PTPRO: variants seen among roughly 807,000 people sequenced by gnomAD.
The protein encoded by PTPRO is receptor-type tyrosine-protein phosphatase O.
In PTPRO, 62 loss-of-function variants were observed where a neutral mutation model predicts 145.2. The observed-to-expected ratio is 0.43, with a 90% CI of 0.35 to 0.53. The LOEUF (loss-of-function observed/expected upper bound fraction) is 0.53, where lower values mean the gene tolerates loss of function less well. Among genes scored for constraint, PTPRO ranks in the 20% least tolerant of loss-of-function variants. PTPRO has a pLI of 0.01. For missense variants in PTPRO, 1,345 were observed against 1,482.7 expected, an observed-to-expected ratio of 0.91 and a Z score of 1.53; for synonymous variants, 565 against 514.7, an observed-to-expected ratio of 1.10 and a Z score of -1.32.
intron 7 of PTPRO, among the ~76,000 whole-genome samples, chr12:15,514,692 A>T (rs866802223): frequency 6.6e-6 from 1 of 152,062 alleles, no homozygotes; most frequent in Non-Finnish European, 1.5e-5. Flanking sequence ...TACTTTATTT[A>T]TTAAATGAGC....
At chr12:15,394,635 T>C (rs79822760) in intron 1 of PTPRO, among the ~76,000 whole-genome samples, 3,280 of 152,256 alleles carry the variant, frequency 0.022, 123 homozygotes, top group African/African-American at 0.074. Flanking sequence ...TGAAATTCCT[T>C]TTGCCATGCA....
chr12:15,597,737 G>A lies in PTPRO; in HGVS notation c.*1664G>A, dbSNP rs554762143. 1.4e-3 allele frequency among the ~76,000 whole-genome samples: 213 copies of A among 152,256 alleles called. 1 individual carries two copies. The highest frequency in any genetic ancestry group is 4.8e-3 in the African/African-American group (201 of 41,548). Reference sequence around the variant, plus strand: ...GGTTAACAGCTTGGGCTCCTCAGGGGTTGTCAGTTCCTACTCACCTCCCTG... The same window carrying A: ...GGTTAACAGCTTGGGCTCCTCAGGGATTGTCAGTTCCTACTCACCTCCCTG... On this transcript the variant is annotated 3_prime_UTR_variant, in exon 27 of 27. Transcript: ENST00000281171.
In PTPRO at chr12:15,358,631, A is replaced by T. The variant is rs556361272; in HGVS notation, c.75+35830A>T. Reference sequence around the variant, plus strand: ...TTTACAGATGAAGAAATTCTGTGTTACATGAAGTGTCCAAGATCTCACAGT... The same window carrying T: ...TTTACAGATGAAGAAATTCTGTGTTTCATGAAGTGTCCAAGATCTCACAGT... On this transcript the variant is annotated intron_variant, in intron 1 of 26. Coordinates refer to ENST00000281171, the MANE Select transcript of PTPRO (RefSeq NM_030667.3). 2.6e-5 allele frequency among the ~76,000 whole-genome samples: 4 copies of T among 152,320 alleles called. 1 individual carries two copies. The South Asian group carries it at 6.2e-4, about 24-fold the overall frequency.
At chr12:15,452,997 C>A (rs1387137092) in intron 1 of PTPRO, among the ~76,000 whole-genome samples, 1 of 152,166 alleles carries the variant, frequency 6.6e-6, no homozygotes, top group African/African-American at 2.4e-5. Flanking sequence ...GTGAAGATTA[C>A]CCATAAAATT....
chr12:15,546,683 G>C lies in PTPRO; in HGVS notation c.2279G>C (p.Gly760Ala). ...DFFEVFCQQV[G>A]SSQKTKLQEP... ...TTTGAAGTTTTCTGTCAACAAGTTG[G>C]CTCCAGTCAGAAAACCAAACTTCAG... The change falls in exon 13 of 27, where the codon GGC (glycine) becomes GCC (alanine). Residue 760 changes from glycine (G) to alanine (A), a missense_variant. By Grantham distance (60) the Gly-to-Ala change is moderately conservative. This residue lies in a region of PTPRO where 1,130 missense variants were observed against 1,214.7 expected (regional missense o/e 0.93). Coordinates refer to ENST00000281171, the MANE Select transcript of PTPRO (RefSeq NM_030667.3). 1 of 1,613,944 alleles carries C rather than the reference G, an allele frequency of 6.2e-7. No individual in the cohort carries two copies.
intron 1 of PTPRO, among the ~76,000 whole-genome samples, chr12:15,325,916 T>C (rs1866432603): frequency 6.6e-6 from 1 of 152,194 alleles, no homozygotes; most frequent in Admixed American, 6.5e-5. Flanking sequence ...ACCCCTTCTC[T>C]CTATTTCTTT....
intron 1 of PTPRO, among the ~76,000 whole-genome samples, chr12:15,388,551 T>G (rs560163550): frequency 1.3e-5 from 2 of 152,334 alleles, no homozygotes; most frequent in Non-Finnish European, 2.9e-5. Context: ...CTGAGCAGAA[T>G]AGACCTTTAA....
intron 1 of PTPRO, among the ~76,000 whole-genome samples, chr12:15,401,949 A>G (rs1450077301): frequency 6.6e-6 from 1 of 152,210 alleles, no homozygotes; most frequent in African/African-American, 2.4e-5. Flanking sequence ...CTAACATTTT[A>G]TTTCAATATG....
At chr12:15,513,107 GA>G (rs1942481210) in intron 7 of PTPRO, among the ~76,000 whole-genome samples, 3 of 12,868 alleles carry the variant, frequency 2.3e-4, no homozygotes, top group African/African-American at 5.2e-4. Flanking sequence ...AAGAAAGAAA[GA>G]AAGGAAGGAA....
At chr12:15,475,705 T>C (rs945673533) in intron 1 of PTPRO, among the ~76,000 whole-genome samples, 3 of 152,196 alleles carry the variant, frequency 2.0e-5, no homozygotes, top group Admixed American at 2.0e-4. Context: ...AGCATATTTA[T>C]AACCAGGATT....
In PTPRO at chr12:15,499,506, C is replaced by A; in HGVS notation, c.573C>A (p.Thr191=). The A allele has an allele frequency of 6.2e-7, 1 of 1,613,472 alleles. No individual in the cohort carries two copies. Among genetic ancestry groups the A allele is most frequent in the Non-Finnish European group, 8.5e-7 (1 of 1,179,524 alleles). The part of the protein sequence containing the change: ...WLPGMCYSNI[T]FQLVSEATFN... ...CAGGAATGTGTTATAGTAATATCAC[C>A]TTTCAGCTGGTATCTGAGGCAACTT... The change falls in exon 4 of 27, where the codon ACC becomes ACA. Residue 191 remains threonine (T), a synonymous_variant. Transcript: ENST00000281171.
At chr12:15,329,579 T>C (rs566698616) in intron 1 of PTPRO, among the ~76,000 whole-genome samples, 1 of 152,324 alleles carries the variant, frequency 6.6e-6, no homozygotes, top group African/African-American at 2.4e-5. Context: ...CTCCCTTTCT[T>C]CTTCAATACT....
chr12:15,456,846 T>G (rs1941190243), intron 1 of PTPRO, among the ~76,000 whole-genome samples: 1 of 152,194 alleles, frequency 6.6e-6, no homozygotes, highest in South Asian at 2.1e-4. Flanking sequence ...TCTCTCTTTT[T>G]TCCACAGTTA....
At chr12:15,369,608 T>G (rs1938463907) in intron 1 of PTPRO, among the ~76,000 whole-genome samples, 1 of 152,220 alleles carries the variant, frequency 6.6e-6, no homozygotes, top group South Asian at 2.1e-4. Flanking sequence ...TTGCATTAAC[T>G]CATGTCTCTT....
rs560874340 is a variant in PTPRO at position 15,413,305 on chromosome 12, C to T, written c.76-70669C>T. The stretch of plus-strand genomic sequence containing the variant: ...AGATATGGGGTTTCACCATGTTGCT[C>T]AGGCTGGTCTCAAACTCCTGGCCTC... On this transcript the variant is annotated intron_variant, in intron 1 of 26. Coordinates refer to ENST00000281171, the MANE Select transcript of PTPRO (RefSeq NM_030667.3). Among the ~76,000 whole-genome samples the T allele has an allele frequency of 2.0e-5, 3 of 152,254 alleles. No individual in the cohort carries two copies. In the South Asian group the frequency reaches 6.2e-4, roughly 32 times the overall value.
Position 15,587,008 on chromosome 12 carries a change from C to A in PTPRO, c.3367C>A (p.Gln1123Lys). Reference protein sequence around the residue: ...SILQFVHMVRQQATKSKGPMI... With the variant: ...SILQFVHMVRKQATKSKGPMI... ...CCTGCAGTTTGTACACATGGTCCGA[C>A]AGCAAGCTACCAAGAGCAAAGGTCC... The change falls in exon 24 of 27, where the codon CAG becomes AAG. Residue 1123 changes from glutamine to lysine, a missense_variant. Coordinates refer to ENST00000281171, the MANE Select transcript of PTPRO (RefSeq NM_030667.3). 2 of 1,614,074 alleles carry A rather than the reference C, an allele frequency of 1.2e-6. No homozygotes were observed. Among genetic ancestry groups the A allele is most frequent in the Non-Finnish European group, 1.7e-6 (2 of 1,179,990 alleles).
chr12:15,448,356 A>AAAAAAAAAAAAAAAAAAAAAAAC (rs1427992443), intron 1 of PTPRO, among the ~76,000 whole-genome samples: 1 of 149,236 alleles, frequency 6.7e-6, no homozygotes, highest in Non-Finnish European at 1.5e-5. Flanking sequence ...AAAAAAAAAA[A>AAAAAAAAAAAAAAAAAAAAAAAC]AAAAGCACCG....
At chr12:15,360,534 G>A (rs187014589) in intron 1 of PTPRO, among the ~76,000 whole-genome samples, 1 of 152,128 alleles carries the variant, frequency 6.6e-6, no homozygotes, top group East Asian at 1.9e-4. Context: ...ATAATGCATA[G>A]GGACTCAGCA....
chr12:15,358,386 T>C (rs1212831818), intron 1 of PTPRO, among the ~76,000 whole-genome samples: 1 of 152,022 alleles, frequency 6.6e-6, no homozygotes, highest in Non-Finnish European at 1.5e-5. Flanking sequence ...AGTATGATAA[T>C]AATAATAAAA....
Sources: allele counts gnomAD v4.1 joint callset (sites outside exome capture counted in the v4.1 genomes callset), GRCh38; gene constraint gnomAD v4.1.1; regional missense constraint gnomAD v4.1.1; transcripts MANE v1.5; gene names NCBI Gene and HGNC (gene_info 2026-07-23, HGNC 2026-07-21).